Variants in HCN4 observed in about 807,000 individuals in gnomAD.
HCN4 encodes potassium/sodium hyperpolarization-activated cyclic nucleotide-gated channel 4.
A neutral mutation model predicts 76.9 loss-of-function variants in HCN4; 29 were observed. The observed-to-expected ratio is 0.38, with a 90% CI of 0.28 to 0.51. The LOEUF (loss-of-function observed/expected upper bound fraction) is 0.51, where lower values mean the gene tolerates loss of function less well. Among genes scored for constraint, HCN4 ranks in the 20% least tolerant of loss-of-function variants. HCN4 has a pLI of 0.90. For synonymous variants in HCN4, 772 were observed against 762.5 expected (o/e 1.01, Z -0.21); for missense variants, 1,416 against 1,715.2 (o/e 0.83, Z 3.08).
intron 1 of HCN4, among the ~76,000 whole-genome samples, chr15:73,345,122 C>T (rs2043024221): frequency 6.6e-6 from 1 of 152,200 alleles, no homozygotes; most frequent in South Asian, 2.1e-4. Flanking sequence ...GAGGGTCTCA[C>T]TGTAAACCAA....
intron 2 of HCN4, among the ~76,000 whole-genome samples, chr15:73,338,357 AGG>A (rs2042979078): frequency 1.3e-5 from 2 of 152,234 alleles, no homozygotes; most frequent in African/African-American, 4.8e-5. Context: ...CAGGCGGTCC[AGG>A]CAGCTCACTC....
Position 73,323,390 on chromosome 15 carries a change from G to T in HCN4, c.2703C>A (p.Ala901=), listed in dbSNP as rs769947655. 1.9e-6 allele frequency: 3 copies of T among 1,590,560 alleles called. No homozygotes were observed. The highest frequency in any genetic ancestry group is 2.6e-6 in the Non-Finnish European group (3 of 1,169,350). ...AGTGGCCAAACCCGGCTATGGTGGT[G>T]GCGGCTACGCCAGCTGATGGTGTGG... The part of the protein sequence containing the change: ...SAPTPSAGVA[A]TTIAGFGHFH... The change falls in exon 8 of 8, where the codon GCC becomes GCA. Residue 901 remains alanine, a synonymous_variant. Transcript: ENST00000261917.
rs2042894867 is a variant in HCN4, at chr15:73,325,643, T to C, written c.1591-199A>G. On this transcript the variant is annotated intron_variant, in intron 4 of 7. Transcript: ENST00000261917. This position sits in a 1 kb window ranked among gnomAD's most constrained non-coding sequence, Gnocchi z 7.4. ...ACAACTGCCCGGGCTCCCAGCTGCT[T>C]GGCATGGAGGAGGGGCCCCCACCAG... is the stretch of plus-strand genomic sequence containing the variant. Among the ~76,000 whole-genome samples, 2 of 152,224 alleles carry C rather than the reference T, an allele frequency of 1.3e-5. No homozygotes were observed. The highest frequency in any genetic ancestry group is 3.9e-4 in the East Asian group (2 of 5,168).
intron 2 of HCN4, among the ~76,000 whole-genome samples, chr15:73,339,721 C>G (rs1171144144): frequency 6.6e-6 from 1 of 152,170 alleles, no homozygotes; most frequent in Non-Finnish European, 1.5e-5. Context: ...AAATACTCTC[C>G]TCAGCTCTCA....
intron 1 of HCN4, among the ~76,000 whole-genome samples, chr15:73,365,411 C>T (rs2043123799): frequency 6.6e-6 from 1 of 152,166 alleles, no homozygotes; most frequent in South Asian, 2.1e-4. Context: ...AATTCAAAGC[C>T]CACTCTGACC....
At position 73,320,092 on chromosome 15, in the gene HCN4, G is replaced by C. The variant is rs1471076909; in HGVS notation, c.*2389C>G. On this transcript the variant is annotated 3_prime_UTR_variant, in exon 8 of 8. Coordinates refer to ENST00000261917, the MANE Select transcript of HCN4 (RefSeq NM_005477.3). ...TAGGCCAGGCTCTGATGGCAAGGGG[G>C]CTCCTCATGGCCCTGGACCCTCCAC... is the stretch of plus-strand genomic sequence containing the variant. 1 of 152,256 alleles carries C rather than the reference G, an allele frequency of 6.6e-6. No homozygotes were observed. Among genetic ancestry groups the C allele is most frequent in the East Asian group, 1.9e-4 (1 of 5,188 alleles). The allele number at this position is 152,256 out of a possible 1,614,324, so 9.4% of individuals were successfully genotyped here. A position where few individuals can be genotyped will look rare whatever the true frequency, so the allele number is the denominator to read the frequency against.
chr15:73,324,946 C>A lies in HCN4; in HGVS notation c.1978+9G>T, dbSNP rs1382164060. 7 of 1,613,932 alleles carry A rather than the reference C, an allele frequency of 4.3e-6. No homozygotes were observed. In the South Asian group the frequency reaches 7.7e-5, roughly 18 times the overall value. ...CTGCCCTGTCCCCCAGGGCCCAGGG[C>A]TGCCTCACCTCCAAAGTAGGAGCCG... is the stretch of plus-strand genomic sequence containing the variant. On this transcript the variant is annotated intron_variant, in intron 6 of 7. Transcript: ENST00000261917.
chr15:73,342,117 T>C (rs2043008503), intron 2 of HCN4, among the ~76,000 whole-genome samples: 1 of 152,192 alleles, frequency 6.6e-6, no homozygotes. Flanking sequence ...TGCCTGCCGC[T>C]GCTGCCAAGT....
chr15:73,336,994 C>A (rs909935234), intron 2 of HCN4, among the ~76,000 whole-genome samples: 3 of 152,212 alleles, frequency 2.0e-5, no homozygotes, highest in African/African-American at 7.2e-5. Context: ...GCCACAGCGG[C>A]CTTCCTTCAT....
chr15:73,334,523 A>G (rs1475303443), intron 2 of HCN4, among the ~76,000 whole-genome samples: 1 of 151,610 alleles, frequency 6.6e-6, no homozygotes, highest in South Asian at 2.1e-4. Flanking sequence ...GCAAATCCTA[A>G]CCTTTCTATG....
chr15:73,327,939 C>T (rs1260911645), intron 4 of HCN4, among the ~76,000 whole-genome samples: 14 of 152,234 alleles, frequency 9.2e-5, no homozygotes, highest in Non-Finnish European at 1.6e-4. Context: ...AAGGACAGTG[C>T]CTGGGACAGG....
Position 73,367,957 on chromosome 15 carries a change from C to A in HCN4, c.314G>T (p.Ser105Ile). 1 of 1,351,438 alleles carries A rather than the reference C, an allele frequency of 7.4e-7. No individual in the cohort carries two copies. The highest frequency in any genetic ancestry group is 2.0e-5 in the South Asian group (1 of 49,774). The allele number at this position is 1,351,438 out of a possible 1,614,324, so 83.7% of individuals were successfully genotyped here. A position where few individuals can be genotyped will look rare whatever the true frequency, so the allele number is the denominator to read the frequency against. The part of the protein sequence containing the change: ...RFRGSLASLG[S>I]RGGGSGGTGS... ...CGTGCCGCCGCTGCCGCCGCCCCGG[C>A]TGCCCAGCGAGGCCAGGCTCCCGCG... Residue 105 changes from serine to isoleucine, a missense_variant, in exon 1 of 8, where the codon AGC becomes ATC. Ser to Ile is a moderately radical substitution (Grantham distance 142, BLOSUM62 -2). This residue lies in a region of HCN4 where 355 missense variants were observed against 347.8 expected (regional missense o/e 1.02). Coordinates refer to ENST00000261917, the MANE Select transcript of HCN4 (RefSeq NM_005477.3). This position sits in a 1 kb window ranked among gnomAD's most constrained non-coding sequence, Gnocchi z 7.5.
At chr15:73,345,489 T>C (rs570923505) in intron 1 of HCN4, among the ~76,000 whole-genome samples, 1 of 152,250 alleles carries the variant, frequency 6.6e-6, no homozygotes, top group Admixed American at 6.5e-5. Flanking sequence ...AACTAAGGCC[T>C]GAGGACCCAT....
intron 2 of HCN4, among the ~76,000 whole-genome samples, chr15:73,334,104 C>T (rs532359988): frequency 1.2e-4 from 19 of 152,290 alleles, no homozygotes; most frequent in African/African-American, 4.1e-4. Context: ...TTCTCGCCTC[C>T]CCAGCCCCTG....
intron 1 of HCN4, among the ~76,000 whole-genome samples, chr15:73,355,779 A>ACC (rs200497215): frequency 9.4e-4 from 143 of 152,066 alleles, no homozygotes; most frequent in Non-Finnish European, 1.6e-3. Context: ...ACACACACAC[A>ACC]CCGCCAAACT....
chr15:73,349,445 G>A (rs2043043459), intron 1 of HCN4, among the ~76,000 whole-genome samples: 2 of 151,994 alleles, frequency 1.3e-5, no homozygotes, highest in Admixed American at 6.6e-5. Context: ...GCCATATATG[G>A]TGGGCCAAGT....
intron 2 of HCN4, 36 bp from the exon 3 acceptor site, chr15:73,332,328 T>C (rs1595824072): frequency 1.2e-6 from 2 of 1,611,172 alleles, no homozygotes; most frequent in African/African-American, 1.3e-5. Context: ...CTGGGATAGG[T>C]GAGTGGCCAG....
chr15:73,347,956 T>C (rs2043036504), intron 1 of HCN4, among the ~76,000 whole-genome samples: 1 of 152,204 alleles, frequency 6.6e-6, no homozygotes, highest in Non-Finnish European at 1.5e-5. Context: ...ACTTCCTACC[T>C]GGACCAATGG....
rs2042879511 is a variant in HCN4 at position 73,323,668 on chromosome 15, G to A, written c.2425C>T (p.Pro809Ser). The A allele has an allele frequency of 1.9e-6, 3 of 1,593,436 alleles. No individual in the cohort carries two copies. Among genetic ancestry groups the A allele is most frequent in the African/African-American group, 1.3e-5 (1 of 74,762 alleles). The change falls in exon 8 of 8, where the codon CCC becomes TCC. Residue 809 changes from proline (P) to serine (S), a missense_variant. Physicochemically the swap from Pro to Ser is moderately conservative, Grantham distance 74 (BLOSUM62 -1). Coordinates refer to ENST00000261917, the MANE Select transcript of HCN4 (RefSeq NM_005477.3). ...AGGTTGCCCAGCCCAGATCCTGGGGGAGGGCGGAAGATGGCAGCAGGCAGG... is the reference window on the plus strand; with the variant it reads ...AGGTTGCCCAGCCCAGATCCTGGGGAAGGGCGGAAGATGGCAGCAGGCAGG... ...PRLPAAIFRP[P>S]PGSGLGNLGA...
Sources: allele counts gnomAD v4.1 joint callset (sites outside exome capture counted in the v4.1 genomes callset), GRCh38; gene constraint gnomAD v4.1.1; regional missense constraint gnomAD v4.1.1; non-coding constraint Gnocchi (gnomAD v3.1); transcripts MANE v1.5; gene names NCBI Gene and HGNC (gene_info 2026-07-23, HGNC 2026-07-21).